Variants in MYO5C observed in about 807,000 individuals in gnomAD.
The protein encoded by MYO5C is myosin VC.
Under a neutral mutation model 235.7 loss-of-function variants are expected in MYO5C, and 194 were observed. The ratio of observed to expected loss-of-function variants is 0.82; its 90% CI spans 0.73 to 0.93. The LOEUF (loss-of-function observed/expected upper bound fraction) is 0.93. Ranked by LOEUF, MYO5C falls within the 40% of genes least tolerant of loss-of-function variation. The probability of loss-of-function intolerance (pLI) is 0.00; values close to 1 mark genes in which losing one functional copy is unlikely to be tolerated. For synonymous variants in MYO5C, 707 were observed against 754.8 expected, an observed-to-expected ratio of 0.94 and a Z score of 1.04; for missense variants, 2,038 against 2,127.2, an observed-to-expected ratio of 0.96 and a Z score of 0.82.
chr15:52,251,367 A>G (rs1408528581), intron 13 of MYO5C, 23 bp downstream of exon 13: 2 of 1,584,150 alleles, frequency 1.3e-6, no homozygotes, highest in East Asian at 2.3e-5. Flanking sequence ...GGTTGACAGC[A>G]TTGATGGAGA....
intron 29 of MYO5C, among the ~76,000 whole-genome samples, chr15:52,222,635 G>A (rs1566967769): frequency 6.6e-6 from 1 of 151,784 alleles, no homozygotes; most frequent in African/African-American, 2.4e-5. Context: ...GGGGTGGTGG[G>A]CAGTGAATGG....
intron 34 of MYO5C, 105 bp from the exon 35 acceptor site, chr15:52,211,989 CAG>C: frequency 1.7e-6 from 2 of 1,188,106 alleles, no homozygotes; most frequent in Non-Finnish European, 2.4e-6. Context: ...GTGCTTGACA[CAG>C]TGCCTGAATG....
Position 52,205,020 on chromosome 15 carries a change from C to T in MYO5C, c.4665G>A (p.Leu1555=), listed in dbSNP as rs537224463. 6 of 1,614,230 alleles carry T rather than the reference C, an allele frequency of 3.7e-6. No individual in the cohort carries two copies. Among genetic ancestry groups the T allele is most frequent in the African/African-American group, 2.7e-5 (2 of 75,064 alleles). ...GYTMTSVLQQ[L]SYFYTTMCQN... ...GGCACATGGTGGTGTAAAAGTAGCT[C>T]AGCTGTTGCAGGACGGAGGTCATGG... Residue 1555 remains leucine, a synonymous_variant, in exon 38 of 41, where the codon CTG becomes CTA. Transcript: ENST00000261839.
Position 52,232,661 on chromosome 15 carries a change from T to A in MYO5C, c.2987A>T (p.Gln996Leu). ...LKEKMDNLTK[Q>L]LFDDVQKEER... is the part of the protein sequence containing the mutation. ...TTCCTTTTGTACATCATCAAAGAGC[T>A]GCTTGGTGAGGTTGTCCATTTTTTC... The change falls in exon 24 of 41, where the codon CAG becomes CTG. Residue 996 changes from glutamine to leucine, a missense_variant. Physicochemically the swap from Gln to Leu is moderately radical, Grantham distance 113. Coordinates refer to ENST00000261839, the MANE Select transcript of MYO5C (RefSeq NM_018728.4). The A allele has an allele frequency of 6.2e-7, 1 of 1,613,896 alleles. No individual in the cohort carries two copies. Among genetic ancestry groups the A allele is most frequent in the Non-Finnish European group, 8.5e-7 (1 of 1,179,986 alleles).
intron 10 of MYO5C, among the ~76,000 whole-genome samples, chr15:52,257,280 C>A (rs1189039820): frequency 2.0e-5 from 3 of 152,188 alleles, no homozygotes; most frequent in African/African-American, 7.2e-5. Context: ...TCCTACAGCC[C>A]AGCACACCCC....
chr15:52,224,785 G>C, intron 28 of MYO5C, 116 bp downstream of exon 28: 1 of 779,856 alleles, frequency 1.3e-6, no homozygotes, highest in Non-Finnish European at 2.1e-6. Flanking sequence ...TGGTTATTCA[G>C]TCATTCTACT....
intron 25 of MYO5C, among the ~76,000 whole-genome samples, chr15:52,226,095 A>G (rs1321609799): frequency 2.0e-5 from 3 of 151,690 alleles, no homozygotes; most frequent in Non-Finnish European, 4.4e-5. Flanking sequence ...AGAAAAAAAA[A>G]TACCTACTAT....
At position 52,217,885 on chromosome 15, in the gene MYO5C, G is replaced by A. The variant is rs541900723; in HGVS notation, c.3954+634C>T. ...AAGCTCTCAGGTTTCGAAGGGGCCC[G>A]AGAGGGTCCCAGCTCCTAGGAAAGT... On this transcript the variant is annotated intron_variant, in intron 32 of 40. Coordinates refer to ENST00000261839, the MANE Select transcript of MYO5C (RefSeq NM_018728.4). 4.6e-5 allele frequency among the ~76,000 whole-genome samples: 7 copies of A among 152,244 alleles called. No individual in the cohort carries two copies. The South Asian group carries it at 8.3e-4, about 18-fold the overall frequency.
At chr15:52,216,570 T>C (rs984708595) in intron 32 of MYO5C, among the ~76,000 whole-genome samples, 1 of 152,134 alleles carries the variant, frequency 6.6e-6, no homozygotes, top group Non-Finnish European at 1.5e-5. Context: ...TTGAATTTCT[T>C]TGATAAATAG....
At position 52,256,687 on chromosome 15, in the gene MYO5C, T is replaced by G; in HGVS notation, c.1347A>C (p.Gln449His). The G allele has an allele frequency of 1.2e-6, 2 of 1,613,026 alleles. No individual in the cohort carries two copies. Among genetic ancestry groups the G allele is most frequent in the Non-Finnish European group, 8.5e-7 (1 of 1,179,726 alleles). Residue 449 changes from glutamine to histidine, a missense_variant, in exon 11 of 41, where the codon CAA becomes CAC. Gln to His is a conservative substitution (Grantham distance 24). Coordinates refer to ENST00000261839, the MANE Select transcript of MYO5C (RefSeq NM_018728.4). The stretch of plus-strand genomic sequence containing the variant: ...TTTCATTAGCGTAATTGATGCAAAA[T>G]TGTTCAAAGCTGTTCACATCAAAGG... ...FETFDVNSFE[Q>H]FCINYANEKL...
chr15:52,257,315 G>A (rs1289044405), intron 10 of MYO5C, among the ~76,000 whole-genome samples: 1 of 152,216 alleles, frequency 6.6e-6, no homozygotes, highest in Non-Finnish European at 1.5e-5. Flanking sequence ...AGACATGGCT[G>A]GCTTCCATAT....
intron 8 of MYO5C, chr15:52,265,282 A>G (rs2036781305): frequency 6.6e-6 from 1 of 152,252 alleles, no homozygotes. Flanking sequence ...CCTGTAAATC[A>G]CAGTGTAGAC....
chr15:52,222,853 A>G (rs1445588223), intron 29 of MYO5C, among the ~76,000 whole-genome samples: 2 of 152,194 alleles, frequency 1.3e-5, no homozygotes, highest in Admixed American at 1.3e-4. Flanking sequence ...GTCATGGAAG[A>G]GGAAGCCCTT....
chr15:52,222,069 A>G (rs1457768944), intron 29 of MYO5C, among the ~76,000 whole-genome samples: 1 of 152,216 alleles, frequency 6.6e-6, no homozygotes, highest in Non-Finnish European at 1.5e-5. Flanking sequence ...ATTTTGCCCA[A>G]GTACAGGCTA....
At chr15:52,199,349 G>A (rs928826088) in intron 38 of MYO5C, among the ~76,000 whole-genome samples, 1 of 152,152 alleles carries the variant, frequency 6.6e-6, no homozygotes, top group African/African-American at 2.4e-5. Context: ...CCAGTTCCCA[G>A]TGAGATGGAG....
intron 4 of MYO5C, 145 bp from the exon 5 acceptor site, chr15:52,275,863 AT>A (rs1013496163): frequency 1.0e-4 from 85 of 813,412 alleles, no homozygotes; most frequent in East Asian, 4.0e-4. Context: ...TTCCTTCTAG[AT>A]TTTTTTTTCT....
chr15:52,280,793 T>C (rs2037147899), intron 2 of MYO5C, among the ~76,000 whole-genome samples: 2 of 152,120 alleles, frequency 1.3e-5, no homozygotes, highest in Admixed American at 6.5e-5. Context: ...ACGAGACAGG[T>C]TCAGAAAGTT....
At chr15:52,274,078 C>T (rs549341158) in intron 5 of MYO5C, among the ~76,000 whole-genome samples, 13 of 152,162 alleles carry the variant, frequency 8.5e-5, no homozygotes, top group African/African-American at 3.1e-4. Flanking sequence ...TCCTGAGCAC[C>T]CTGTTTCTAG....
intron 11 of MYO5C, among the ~76,000 whole-genome samples, chr15:52,253,967 G>C (rs991928879): frequency 8.3e-6 from 1 of 119,980 alleles, no homozygotes; most frequent in South Asian, 2.9e-4. Flanking sequence ...ATGAAAGAAA[G>C]TTTGGCTGGC....
Sources: allele counts gnomAD v4.1 joint callset (sites outside exome capture counted in the v4.1 genomes callset), GRCh38; gene constraint gnomAD v4.1.1; transcripts MANE v1.5; gene names NCBI Gene and HGNC (gene_info 2026-07-23, HGNC 2026-07-21).